SMARCD2: variants seen among roughly 807,000 people sequenced by gnomAD.
SMARCD2 encodes the protein SWI/SNF related BAF chromatin remodeling complex subunit D2.
A neutral mutation model predicts 70.4 loss-of-function variants in SMARCD2; 39 were observed. That is an observed-to-expected ratio of 0.55 (90% CI 0.43 to 0.72). The LOEUF (loss-of-function observed/expected upper bound fraction) is 0.72. SMARCD2 is among the 30% of genes least tolerant of loss of function. SMARCD2 has a pLI of 0.00. For missense variants in SMARCD2, 540 were observed against 713.4 expected, an observed-to-expected ratio of 0.76 and a Z score of 2.77; for synonymous variants, 249 against 279.4, an observed-to-expected ratio of 0.89 and a Z score of 1.08.
rs140613150 is a variant in SMARCD2 at position 63,833,872 on chromosome 17, C to G, written c.1181+37G>C. 3,988 of 1,561,404 alleles carry G rather than the reference C, an allele frequency of 2.6e-3. 118 individuals carry two copies. The Admixed American group carries it at 0.051, about 20-fold the overall frequency. On this transcript the variant is annotated intron_variant, in intron 9 of 12. Transcript: ENST00000448276. The surrounding 1 kb of genome is among the most constrained non-coding windows in gnomAD (Gnocchi z 4.3). ...AGTTCAAGCCAAGGGTGAATCTGCT[C>G]TTAGAAGAGCCTTCCTGTCCCCCTC... is the stretch of plus-strand genomic sequence containing the variant.
In SMARCD2 at chr17:63,832,835, G is replaced by T; in HGVS notation, c.*103C>A. 2 of 913,476 alleles carry T rather than the reference G, an allele frequency of 2.2e-6. No homozygotes were observed. The highest frequency in any genetic ancestry group is 3.5e-6 in the Non-Finnish European group (2 of 567,742). The allele number at this position is 913,476 out of a possible 1,614,324, so 56.6% of individuals were successfully genotyped here. A position where few individuals can be genotyped will look rare whatever the true frequency, so the allele number is the denominator to read the frequency against. Reference sequence around the variant, plus strand: ...TAAAGCTGGAGAGTAGAGGGTGACAGCAGACACTCCTCACCCCAGCCTACG... The same window carrying T: ...TAAAGCTGGAGAGTAGAGGGTGACATCAGACACTCCTCACCCCAGCCTACG... On this transcript the variant is annotated 3_prime_UTR_variant, in exon 13 of 13. Coordinates refer to ENST00000448276, the MANE Select transcript of SMARCD2 (RefSeq NM_001098426.2).
At chr17:63,840,924 C>G (rs1404796539) in intron 1 of SMARCD2, among the ~76,000 whole-genome samples, 6 of 152,362 alleles carry the variant, frequency 3.9e-5, no homozygotes, top group South Asian at 4.1e-4. Context: ...CCCACCAAAA[C>G]ATGTGGAATC....
Position 63,835,716 on chromosome 17 carries a change from G to T in SMARCD2, c.568-149C>A, listed in dbSNP as rs747887868. The T allele has an allele frequency of 1.9e-4, 116 of 626,388 alleles. 1 individual carries two copies. The highest frequency in any genetic ancestry group is 6.3e-4 in the Middle Eastern group (2 of 3,162). The allele number at this position is 626,388 out of a possible 1,614,324, so 38.8% of individuals were successfully genotyped here. On this transcript the variant is annotated intron_variant, in intron 4 of 12. Coordinates refer to ENST00000448276, the MANE Select transcript of SMARCD2 (RefSeq NM_001098426.2). ...TGTCAGGTACTGGGAATCAGAAGTA[G>T]TAAGTCCCAGTCCCAGCCTTTTTTT...
chr17:63,836,770 C>T, intron 4 of SMARCD2, 152 bp downstream of exon 4: 1 of 682,796 alleles, frequency 1.5e-6, no homozygotes, highest in Non-Finnish European at 2.6e-6. Flanking sequence ...ATACTGGCCC[C>T]AACACATTCA....
In SMARCD2 at chr17:63,833,205, C is replaced by A. The variant is rs113106008; in HGVS notation, c.1441-35G>T. ...GCCAGGAGGAAAGCCATAGCATAAT[C>A]CCCACCCCTGGGCTAATCCACCCTG... On this transcript the variant is annotated intron_variant, in intron 11 of 12. Coordinates refer to ENST00000448276, the MANE Select transcript of SMARCD2 (RefSeq NM_001098426.2). This position sits in a 1 kb window ranked among gnomAD's most constrained non-coding sequence, Gnocchi z 4.3. 1.4e-3 allele frequency: 2,174 copies of A among 1,609,190 alleles called. 26 individuals are homozygous for A. In the African/African-American group the frequency reaches 0.024, roughly 18 times the overall value.
intron 5 of SMARCD2, 40 bp downstream of exon 5, chr17:63,835,372 A>G: frequency 6.3e-7 from 1 of 1,593,836 alleles, no homozygotes; most frequent in South Asian, 1.1e-5. Context: ...TTAAACCCAC[A>G]CAGGCCTCCT....
intron 1 of SMARCD2, chr17:63,838,831 G>C (rs1227526825): frequency 1.6e-6 from 2 of 1,254,030 alleles, no homozygotes; most frequent in Non-Finnish European, 2.0e-6. Flanking sequence ...CAAATCAAAG[G>C]ACCCTCCCCC....
Position 63,832,976 on chromosome 17 carries a change from G to C in SMARCD2, c.1558C>G (p.Gln520Glu). 1 of 1,582,954 alleles carries C rather than the reference G, an allele frequency of 6.3e-7. No individual in the cohort carries two copies. The highest frequency in any genetic ancestry group is 8.6e-7 in the Non-Finnish European group (1 of 1,165,926). Residue 520 changes from glutamine (Q) to glutamate (E), a missense_variant, in exon 13 of 13, where the codon CAG becomes GAG. Transcript: ENST00000448276. ...HIFAKVQQRRQELEQVLGIRL... is the reference protein window; with the variant it reads ...HIFAKVQQRREELEQVLGIRL... ...ATTCCCAGCACCTGTTCCAGTTCCT[G>C]CCTTCGCTGCTGCACCTGGAGAAGG...
chr17:63,835,588 A>G (rs773409295), intron 4 of SMARCD2, 21 bp from the exon 5 acceptor site: 13 of 1,612,656 alleles, frequency 8.1e-6, no homozygotes, highest in Non-Finnish European at 8.5e-7. Flanking sequence ...AAAGGCAATC[A>G]CAACTGGAGG....
At chr17:63,836,642 A>AGCTT (rs1480953828) in intron 4 of SMARCD2, 4 of 311,304 alleles carry the variant, frequency 1.3e-5, no homozygotes, top group Non-Finnish European at 2.4e-5. Flanking sequence ...TTATGACCCA[A>AGCTT]GGTCTGCATA....
chr17:63,838,109 C>G (rs924493014), intron 1 of SMARCD2, among the ~76,000 whole-genome samples: 2 of 152,068 alleles, frequency 1.3e-5, no homozygotes, highest in Admixed American at 1.3e-4. Context: ...ATGAGTAGGC[C>G]AATGGCGCAG....
rs1252117176 is a variant in SMARCD2, at chr17:63,836,938, A to C, written c.551T>G (p.Ile184Ser). ...ARKRMEIQEA[I>S]KKPLTQKRKL... Reference sequence around the variant, plus strand: ...CACACATACTGTCAGAGGCTTTTTGATGGCCTCCTGGATCTCCATCCGCTT... The same window carrying C: ...CACACATACTGTCAGAGGCTTTTTGCTGGCCTCCTGGATCTCCATCCGCTT... The change falls in exon 4 of 13, where the codon ATC (isoleucine) becomes AGC (serine). Residue 184 changes from isoleucine to serine, a missense_variant. By Grantham distance (142) the Ile-to-Ser change is moderately radical. Coordinates refer to ENST00000448276, the MANE Select transcript of SMARCD2 (RefSeq NM_001098426.2). 3.1e-6 allele frequency: 5 copies of C among 1,613,758 alleles called. No homozygotes were observed. The highest frequency in any genetic ancestry group is 3.4e-6 in the Non-Finnish European group (4 of 1,179,760).
rs2040240293 is a variant in SMARCD2 at position 63,834,537 on chromosome 17, G to A, written c.858C>T (p.Phe286=). Residue 286 remains phenylalanine, a synonymous_variant, in exon 7 of 13, where the codon TTC becomes TTT. Coordinates refer to ENST00000448276, the MANE Select transcript of SMARCD2 (RefSeq NM_001098426.2). The surrounding 1 kb of genome is among the most constrained non-coding windows in gnomAD (Gnocchi z 5.6). The stretch of plus-strand genomic sequence containing the variant: ...TGAGGTCTCCAGGCCGTTTTACTTG[G>A]AAGCCATCTGTCTCCTGGGTGGTGG... The part of the protein sequence containing the change: ...RMPTTQETDG[F]QVKRPGDLNV... 5 of 1,607,306 alleles carry A rather than the reference G, an allele frequency of 3.1e-6. No homozygotes were observed. The highest frequency in any genetic ancestry group is 4.3e-6 in the Non-Finnish European group (5 of 1,175,358).
chr17:63,834,942 ACT>A lies in SMARCD2; in HGVS notation c.724-144_724-143del. 1.6e-6 allele frequency: 1 copy of A among 641,262 alleles called. No homozygotes were observed. Among genetic ancestry groups the A allele is most frequent in the East Asian group, 2.7e-5 (1 of 37,162 alleles). 39.7% of individuals were successfully genotyped at this position (641,262 alleles called of 1,614,324 possible). ...CTGGGCCCTGAAGGATGGAAGCAGG[ACT>A]CTGGGCAGACTGGAGGCAGGGAAAT... On this transcript the variant is annotated intron_variant, in intron 5 of 12. Coordinates refer to ENST00000448276, the MANE Select transcript of SMARCD2 (RefSeq NM_001098426.2). This position sits in a 1 kb window ranked among gnomAD's most constrained non-coding sequence, Gnocchi z 5.6.
intron 4 of SMARCD2, 146 bp from the exon 5 acceptor site, chr17:63,835,713 G>T: frequency 1.5e-6 from 1 of 659,618 alleles, no homozygotes; most frequent in Non-Finnish European, 2.5e-6. Flanking sequence ...GGAATCAGAA[G>T]TAGTAAGTCC....
rs993650662 is a variant in SMARCD2, at chr17:63,834,983, A to C, written c.724-183T>G. 1.2e-5 allele frequency: 7 copies of C among 598,282 alleles called. No homozygotes were observed. Among genetic ancestry groups the C allele is most frequent in the Non-Finnish European group, 2.1e-5 (7 of 337,420 alleles). 37.1% of individuals were successfully genotyped at this position (598,282 alleles called of 1,614,324 possible). A position where few individuals can be genotyped will look rare whatever the true frequency, so the allele number is the denominator to read the frequency against. Reference sequence around the variant, plus strand: ...AGGCAGGGAAATGGTGCCCTCTTGCAGCCCACGAGGGACTTCCTCGAGACA... The same window carrying C: ...AGGCAGGGAAATGGTGCCCTCTTGCCGCCCACGAGGGACTTCCTCGAGACA... On this transcript the variant is annotated intron_variant, in intron 5 of 12. Coordinates refer to ENST00000448276, the MANE Select transcript of SMARCD2 (RefSeq NM_001098426.2). This position sits in a 1 kb window ranked among gnomAD's most constrained non-coding sequence, Gnocchi z 5.6.
In SMARCD2 at chr17:63,833,953, C is replaced by T. The variant is rs2040230507; in HGVS notation, c.1137G>A (p.Gly379=). 1.2e-6 allele frequency: 2 copies of T among 1,613,820 alleles called. No individual in the cohort carries two copies. Among genetic ancestry groups the T allele is most frequent in the African/African-American group, 1.3e-5 (1 of 74,930 alleles). Residue 379 remains glycine, a synonymous_variant, in exon 9 of 13, where the codon GGG becomes GGA. Transcript: ENST00000448276. This position sits in a 1 kb window ranked among gnomAD's most constrained non-coding sequence, Gnocchi z 4.3. ...CAATGGGGTCTGGATGCTGCAGCAA[C>T]CCTGCCAGCTTCATGGGAATCTCGG... is the stretch of plus-strand genomic sequence containing the variant. ...RFSEIPMKLA[G]LLQHPDPIVI... is the part of the protein sequence containing the mutation.
At chr17:63,838,705 T>A in intron 1 of SMARCD2, 1 of 1,390,056 alleles carries the variant, frequency 7.2e-7, no homozygotes, top group African/African-American at 1.5e-5. Context: ...AAGGCCTGTT[T>A]GGCAGCTCTG....
At position 63,832,863 on chromosome 17, in the gene SMARCD2, TCTGCGGCCC is replaced by T; in HGVS notation, c.*66_*74del. ...GACACTCCTCACCCCAGCCTACGTGTCTGCGGCCCCAGCAAGGACCCAGAGGGTGGTCTC... is the reference window on the plus strand; with the variant it reads ...GACACTCCTCACCCCAGCCTACGTGTCAGCAAGGACCCAGAGGGTGGTCTC... On this transcript the variant is annotated 3_prime_UTR_variant, in exon 13 of 13. Transcript: ENST00000448276. The T allele has an allele frequency of 7.6e-7, 1 of 1,310,172 alleles. No homozygotes were observed. Among genetic ancestry groups the T allele is most frequent in the Non-Finnish European group, 1.1e-6 (1 of 928,394 alleles). 81.2% of individuals were successfully genotyped at this position (1,310,172 alleles called of 1,614,324 possible).
Sources: gnomAD v4.1 joint callset for allele counts (sites outside exome capture counted in the v4.1 genomes callset) on GRCh38, gnomAD v4.1.1 for gene constraint, Gnocchi (gnomAD v3.1) non-coding constraint, MANE v1.5 for transcripts, NCBI Gene and HGNC (gene_info 2026-07-23, HGNC 2026-07-21) for gene names.